NTM: variants seen among roughly 807,000 people sequenced by gnomAD.
NTM encodes the protein IgLON family member 2.
Under a neutral mutation model 42.1 loss-of-function variants are expected in NTM, and 13 were observed. The observed-to-expected ratio is 0.31, with a 90% CI of 0.20 to 0.49. The LOEUF (loss-of-function observed/expected upper bound fraction) is 0.49. Among genes scored for constraint, NTM ranks in the 20% least tolerant of loss-of-function variants. The pLI, the probability that NTM is intolerant of heterozygous loss-of-function variation, is 0.99. For synonymous variants in NTM, 187 were observed against 179.2 expected (o/e 1.04, Z -0.35); for missense variants, 373 against 452.8 (o/e 0.82, Z 1.60).
chr11:131,648,285 T>A (rs774988585), intron 1 of NTM, among the ~76,000 whole-genome samples: 8 of 152,300 alleles, frequency 5.3e-5, no homozygotes, highest in Non-Finnish European at 8.8e-5. Context: ...CTATTGTGAG[T>A]CATGCTGGAG....
intron 1 of NTM, among the ~76,000 whole-genome samples, chr11:131,704,943 G>A (rs2076444516): frequency 6.6e-6 from 1 of 152,098 alleles, no homozygotes; most frequent in African/African-American, 2.4e-5. Flanking sequence ...GAGAAAAAAA[G>A]ATTGAGAAAC....
At chr11:131,788,336 G>C (rs966077601) in intron 1 of NTM, among the ~76,000 whole-genome samples, 1 of 151,740 alleles carries the variant, frequency 6.6e-6, no homozygotes, top group South Asian at 2.1e-4. Flanking sequence ...CTGCCTTATG[G>C]ATCATTTCAT....
chr11:131,652,145 C>G (rs2066578372), intron 1 of NTM, among the ~76,000 whole-genome samples: 1 of 152,140 alleles, frequency 6.6e-6, no homozygotes, highest in Non-Finnish European at 1.5e-5. Context: ...TCCATGTCCT[C>G]TTGTGTAAAA....
intron 2 of NTM, among the ~76,000 whole-genome samples, chr11:131,911,983 CAG>C (rs72436125): frequency 0.012 from 1,862 of 152,246 alleles, 33 homozygotes; most frequent in African/African-American, 0.042. Context: ...GCCGTGGTGA[CAG>C]GGGGCTTGGA....
chr11:132,159,755 G>A (rs937974725), intron 3 of NTM, among the ~76,000 whole-genome samples: 15 of 152,138 alleles, frequency 9.9e-5, no homozygotes, highest in Non-Finnish European at 1.5e-4. Context: ...CAGACCCACC[G>A]AACCTGAAGA....
At chr11:131,740,702 A>G (rs919150451) in intron 1 of NTM, among the ~76,000 whole-genome samples, 1 of 152,110 alleles carries the variant, frequency 6.6e-6, no homozygotes, top group African/African-American at 2.4e-5. Flanking sequence ...CCATGCAGTA[A>G]AACAGAGCTG....
At chr11:132,070,038 G>A (rs71485734) in intron 2 of NTM, among the ~76,000 whole-genome samples, 30 of 117,318 alleles carry the variant, frequency 2.6e-4, no homozygotes, top group Middle Eastern at 7.5e-3. Flanking sequence ...CAAACTGACC[G>A]TCACAGGTTA....
intron 1 of NTM, among the ~76,000 whole-genome samples, chr11:131,580,401 C>A (rs2058301196): frequency 6.6e-6 from 1 of 152,142 alleles, no homozygotes; most frequent in Non-Finnish European, 1.5e-5. Flanking sequence ...AGCGATTTGG[C>A]CCTCTCCCAC....
chr11:131,932,213 C>T (rs1446673876), intron 2 of NTM, among the ~76,000 whole-genome samples: 5 of 152,144 alleles, frequency 3.3e-5, no homozygotes, highest in Non-Finnish European at 5.9e-5. Context: ...AGACAGTGAA[C>T]AAAATACATA....
chr11:132,177,882 C>T (rs548892982), intron 3 of NTM, among the ~76,000 whole-genome samples: 73 of 152,326 alleles, frequency 4.8e-4, no homozygotes, highest in Middle Eastern at 3.4e-3. Context: ...TGGATCAAAA[C>T]TTTTAAAATA....
At chr11:132,128,898 A>ACTTCACTC (rs905044221) in intron 2 of NTM, among the ~76,000 whole-genome samples, 1 of 140,556 alleles carries the variant, frequency 7.1e-6, no homozygotes, top group Non-Finnish European at 1.5e-5. Context: ...AGATTGCACC[A>ACTTCACTC]CTTCACTCCA....
chr11:132,085,992 T>C (rs2059652134), intron 2 of NTM, among the ~76,000 whole-genome samples: 1 of 152,138 alleles, frequency 6.6e-6, no homozygotes, highest in East Asian at 1.9e-4. Context: ...TCTCAGAGCA[T>C]CAGAAGTTAT....
chr11:131,959,279 A>G (rs1157030270), intron 2 of NTM, among the ~76,000 whole-genome samples: 1 of 152,162 alleles, frequency 6.6e-6, no homozygotes, highest in Non-Finnish European at 1.5e-5. Flanking sequence ...GCCTTGTGCC[A>G]TGGAGGGAGA....
At chr11:131,467,337 C>T (rs1326164265) in intron 1 of NTM, among the ~76,000 whole-genome samples, 1 of 152,164 alleles carries the variant, frequency 6.6e-6, no homozygotes, top group Non-Finnish European at 1.5e-5. Context: ...AAATTTCTCT[C>T]ATTCCCATAA....
intron 1 of NTM, among the ~76,000 whole-genome samples, chr11:131,443,940 A>T (rs984881220): frequency 6.6e-6 from 1 of 152,184 alleles, no homozygotes; most frequent in Non-Finnish European, 1.5e-5. Context: ...TCCAGATGAC[A>T]TCTTTGCTGC....
chr11:131,446,622 C>G (rs1057019423), intron 1 of NTM, among the ~76,000 whole-genome samples: 3 of 152,212 alleles, frequency 2.0e-5, no homozygotes, highest in Non-Finnish European at 4.4e-5. Flanking sequence ...CTGGAGTCAA[C>G]TGAAACAAGA....
At chr11:131,893,450 C>T (rs1275972411) in intron 1 of NTM, among the ~76,000 whole-genome samples, 2 of 152,044 alleles carry the variant, frequency 1.3e-5, no homozygotes, top group Admixed American at 1.3e-4. Context: ...TAGAAGTACC[C>T]TAGTGCTTCT....
chr11:131,384,564 AG>A (rs1943079033), intron 1 of NTM, among the ~76,000 whole-genome samples: 2 of 4,170 alleles, frequency 4.8e-4, no homozygotes, highest in East Asian at 6.8e-3. Flanking sequence ...TCTAATTTAA[AG>A]AGAGAGAGAG....
intron 4 of NTM, among the ~76,000 whole-genome samples, chr11:132,223,168 TG>T (rs2138891488): frequency 6.6e-6 from 1 of 152,342 alleles, no homozygotes; most frequent in South Asian, 2.1e-4. Context: ...GAGCACCTAC[TG>T]TGTGTGGGGC....
Sources: gnomAD v4.1 joint callset for allele counts (sites outside exome capture counted in the v4.1 genomes callset) on GRCh38, gnomAD v4.1.1 for gene constraint, MANE v1.5 for transcripts, NCBI Gene and HGNC (gene_info 2026-07-23, HGNC 2026-07-21) for gene names.